TESK2: variants seen among roughly 807,000 people sequenced by gnomAD.
TESK2 encodes dual specificity testis-specific protein kinase 2.
In TESK2, 39 loss-of-function variants were observed where a neutral mutation model predicts 57.1. The observed-to-expected ratio is 0.68, with a 90% CI of 0.53 to 0.89. The LOEUF is 0.89. Ranked by LOEUF, TESK2 falls within the 40% of genes least tolerant of loss-of-function variation. The pLI is 0.00. For missense variants in TESK2, 646 were observed against 732.1 expected (o/e 0.88, Z 1.36); for synonymous variants, 249 against 267.9 (o/e 0.93, Z 0.69).
At chr1:45,410,772 A>T (rs1005506934) in intron 3 of TESK2, among the ~76,000 whole-genome samples, 89 of 148,368 alleles carry the variant, frequency 6.0e-4, no homozygotes, top group Admixed American at 8.1e-4. Flanking sequence ...TTTATTTTTT[A>T]TTTTTTTTTT....
chr1:45,368,362 G>GT (rs150971438), intron 4 of TESK2, among the ~76,000 whole-genome samples: 10,449 of 150,542 alleles, frequency 0.069, 1,241 homozygotes, highest in African/African-American at 0.24. Flanking sequence ...TGTGTTTTTT[G>GT]TTTTTTTTGG....
rs1303382879 is a variant in TESK2, at chr1:45,442,965, T to C, written c.222+14599A>G. ...CGCACCTGGCTAATTTTAGTATTTT[T>C]AGTAATGACGGGGTTTCAGTATGTT... On this transcript the variant is annotated intron_variant, in intron 2 of 10. Transcript: ENST00000372086. Among the ~76,000 whole-genome samples, 5 of 152,194 alleles carry C rather than the reference T, an allele frequency of 3.3e-5. No individual in the cohort carries two copies. In the East Asian group the frequency reaches 9.6e-4, roughly 29 times the overall value.
Position 45,486,818 on chromosome 1 carries a change from C to CACACACACACACACAT in TESK2, c.-87+4033_-87+4034insATGTGTGTGTGTGTGT, listed in dbSNP as rs796420228. On this transcript the variant is annotated intron_variant, in intron 1 of 10. Transcript: ENST00000372086. ...ACACACACACACACACACACACACACATATATACATTTTTTTTTTTTGAGA... is the reference window on the plus strand; with the variant it reads ...ACACACACACACACACACACACACACACACACACACACACATATATATACATTTTTTTTTTTTGAGA... 2.8e-3 allele frequency among the ~76,000 whole-genome samples: 397 copies of CACACACACACACACAT among 140,212 alleles called. 5 individuals are homozygous for CACACACACACACACAT. Among genetic ancestry groups the CACACACACACACACAT allele is most frequent in the African/African-American group, 0.01 (363 of 35,118 alleles). The allele number at this position is 140,212 out of a possible 152,430, so 92.0% of individuals were successfully genotyped here.
chr1:45,432,191 C>A (rs995271980), intron 2 of TESK2, among the ~76,000 whole-genome samples: 7 of 151,630 alleles, frequency 4.6e-5, no homozygotes, highest in Non-Finnish European at 8.8e-5. Flanking sequence ...AAAGCAATAC[C>A]CTGTCTCTAC....
At position 45,490,886 on chromosome 1, in the gene TESK2, C is replaced by A; in HGVS notation, c.-121G>T. ...GACTGAGCAGCCAGAGGGGTGCCTG[C>A]GCGGGCAAGAGGAGGAGACGGCGGC... On this transcript the variant is annotated 5_prime_UTR_variant, in exon 1 of 11. Coordinates refer to ENST00000372086, the MANE Select transcript of TESK2 (RefSeq NM_007170.3). 1 of 152,900 alleles carries A rather than the reference C, an allele frequency of 6.5e-6. No homozygotes were observed. Among genetic ancestry groups the A allele is most frequent in the Non-Finnish European group, 1.5e-5 (1 of 68,542 alleles). The allele number at this position is 152,900 out of a possible 1,614,324, so 9.5% of individuals were successfully genotyped here. A position where few individuals can be genotyped will look rare whatever the true frequency, so the allele number is the denominator to read the frequency against.
intron 1 of TESK2, among the ~76,000 whole-genome samples, chr1:45,481,944 T>C (rs1653243652): frequency 2.0e-5 from 3 of 152,328 alleles, no homozygotes; most frequent in African/African-American, 7.2e-5. Flanking sequence ...AAATTGACTA[T>C]AGTATATACT....
At chr1:45,393,304 C>T (rs1399894904) in intron 3 of TESK2, among the ~76,000 whole-genome samples, 1 of 152,132 alleles carries the variant, frequency 6.6e-6, no homozygotes, top group African/African-American at 2.4e-5. Context: ...CTCAAATAAC[C>T]ATATCACAAT....
chr1:45,486,779 G>GCACACACACA (rs1557592851), intron 1 of TESK2, among the ~76,000 whole-genome samples: 3 of 38,324 alleles, frequency 7.8e-5, no homozygotes, highest in African/African-American at 4.3e-4. Flanking sequence ...TAGCCTCCCA[G>GCACACACACA]CATACACACA....
At chr1:45,441,907 C>T (rs1651460833) in intron 2 of TESK2, among the ~76,000 whole-genome samples, 1 of 152,048 alleles carries the variant, frequency 6.6e-6, no homozygotes, top group African/African-American at 2.4e-5. Context: ...CAGGCATAAG[C>T]CACTGTGCCC....
At chr1:45,475,209 CTTTTTTTT>C (rs375872140) in intron 1 of TESK2, among the ~76,000 whole-genome samples, 3 of 113,154 alleles carry the variant, frequency 2.7e-5, no homozygotes, top group South Asian at 2.9e-4. Flanking sequence ...TTAGCCTGGC[CTTTTTTTT>C]TTTTTTTTTT....
intron 4 of TESK2, among the ~76,000 whole-genome samples, chr1:45,362,529 G>A (rs1647729538): frequency 6.6e-6 from 1 of 152,190 alleles, no homozygotes; most frequent in Admixed American, 6.5e-5. Context: ...CCAGTGTACT[G>A]ATACCTGCAA....
chr1:45,360,430 C>CTG (rs1647636983), intron 4 of TESK2, among the ~76,000 whole-genome samples: 1 of 152,054 alleles, frequency 6.6e-6, no homozygotes, highest in Non-Finnish European at 1.5e-5. Context: ...AATGAAAAGA[C>CTG]TGTATGTGCA....
intron 2 of TESK2, among the ~76,000 whole-genome samples, chr1:45,423,452 G>A (rs1247762228): frequency 6.6e-6 from 1 of 152,008 alleles, no homozygotes; most frequent in Non-Finnish European, 1.5e-5. Context: ...AGCTACTCGG[G>A]AGGCTGAGCC....
At chr1:45,468,583 A>AT (rs1251222618) in intron 1 of TESK2, among the ~76,000 whole-genome samples, 1 of 152,222 alleles carries the variant, frequency 6.6e-6, no homozygotes, top group Non-Finnish European at 1.5e-5. Flanking sequence ...AATATATGAC[A>AT]TTTTATGATG....
chr1:45,463,365 A>T (rs897482561), intron 1 of TESK2, among the ~76,000 whole-genome samples: 1 of 152,156 alleles, frequency 6.6e-6, no homozygotes. Context: ...TCACAGTTTG[A>T]GGTCTTAGAT....
intron 2 of TESK2, among the ~76,000 whole-genome samples, chr1:45,445,516 G>A (rs2149295447): frequency 6.6e-6 from 1 of 151,818 alleles, no homozygotes; most frequent in African/African-American, 2.4e-5. Flanking sequence ...ACCAGGTGCA[G>A]TGGCTCACAC....
At chr1:45,362,448 C>T (rs1295570534) in intron 4 of TESK2, among the ~76,000 whole-genome samples, 3 of 152,144 alleles carry the variant, frequency 2.0e-5, no homozygotes, top group African/African-American at 7.2e-5. Context: ...TAGTCAGCTA[C>T]AGTAGTTTCA....
chr1:45,445,840 T>A (rs1651624501), intron 2 of TESK2, among the ~76,000 whole-genome samples: 2 of 119,396 alleles, frequency 1.7e-5, no homozygotes, highest in Admixed American at 1.7e-4. Context: ...ACACAATTAA[T>A]AGCAGGACTT....
intron 2 of TESK2, among the ~76,000 whole-genome samples, chr1:45,450,519 C>T (rs1651826687): frequency 6.6e-6 from 1 of 151,910 alleles, no homozygotes; most frequent in Non-Finnish European, 1.5e-5. Flanking sequence ...AAACCCACAA[C>T]TATGCTGCAT....
Sources: gnomAD v4.1 joint callset for allele counts (sites outside exome capture counted in the v4.1 genomes callset) on GRCh38, gnomAD v4.1.1 for gene constraint, MANE v1.5 for transcripts, NCBI Gene and HGNC (gene_info 2026-07-23, HGNC 2026-07-21) for gene names.